Variants in PDHX observed in about 807,000 individuals in gnomAD.
The protein encoded by PDHX is pyruvate dehydrogenase protein X component, mitochondrial.
Under a neutral mutation model 55.3 loss-of-function variants are expected in PDHX, and 33 were observed. That is an observed-to-expected ratio of 0.60 (90% CI 0.45 to 0.80). The LOEUF is 0.80. Among genes scored for constraint, PDHX ranks in the 30% least tolerant of loss-of-function variants. PDHX has a pLI of 0.00. For missense variants in PDHX, 622 were observed against 619.9 expected, an observed-to-expected ratio of 1.00 and a Z score of -0.04; for synonymous variants, 226 against 219.4, an observed-to-expected ratio of 1.03 and a Z score of -0.27.
intron 2 of PDHX, among the ~76,000 whole-genome samples, chr11:34,940,760 T>G (rs1303087511): frequency 6.6e-6 from 1 of 152,210 alleles, no homozygotes; most frequent in Non-Finnish European, 1.5e-5. Flanking sequence ...CTGTTTTTTG[T>G]CTCTAAAGTT....
At chr11:34,922,423 A>G (rs1298201761) in intron 1 of PDHX, among the ~76,000 whole-genome samples, 2 of 152,186 alleles carry the variant, frequency 1.3e-5, no homozygotes, top group African/African-American at 4.8e-5. Flanking sequence ...AACTAATACT[A>G]TACTCTGGTA....
At chr11:34,979,914 C>A (rs1485049744) in intron 8 of PDHX, among the ~76,000 whole-genome samples, 1 of 151,356 alleles carries the variant, frequency 6.6e-6, no homozygotes, top group Non-Finnish European at 1.5e-5. Flanking sequence ...GTACACATTT[C>A]AATATTATAA....
intron 8 of PDHX, among the ~76,000 whole-genome samples, chr11:34,984,057 G>GTA (rs1274315110): frequency 2.0e-5 from 3 of 152,090 alleles, no homozygotes; most frequent in Non-Finnish European, 4.4e-5. Flanking sequence ...AAACAGCATG[G>GTA]TACTGGTACC....
intron 9 of PDHX, 140 bp from the exon 10 acceptor site, chr11:34,992,175 G>C: frequency 1.7e-6 from 1 of 600,488 alleles, no homozygotes; most frequent in South Asian, 2.0e-5. Flanking sequence ...TATAATTAGA[G>C]AAAATTATTT....
chr11:34,921,661 T>C (rs1380907485), intron 1 of PDHX, among the ~76,000 whole-genome samples: 2 of 152,190 alleles, frequency 1.3e-5, no homozygotes, highest in Non-Finnish European at 2.9e-5. Context: ...AAGCAAAGTG[T>C]ATCATCTAAG....
intron 3 of PDHX, among the ~76,000 whole-genome samples, chr11:34,957,024 A>T (rs985187429): frequency 2.6e-5 from 4 of 152,252 alleles, no homozygotes; most frequent in Admixed American, 2.6e-4. Context: ...TGGGAAAGAC[A>T]AATGGTTAAG....
chr11:34,936,364 T>A (rs1854310097), intron 2 of PDHX, among the ~76,000 whole-genome samples: 1 of 152,124 alleles, frequency 6.6e-6, no homozygotes. Context: ...CCATAATGAC[T>A]AACATCGTAA....
intron 7 of PDHX, chr11:34,977,868 T>C: frequency 1.9e-6 from 1 of 527,672 alleles, no homozygotes; most frequent in East Asian, 4.7e-5. Flanking sequence ...TTGTGTATGA[T>C]ATCTAAGCAA....
At chr11:34,917,973 T>G (rs1253702796) in intron 1 of PDHX, among the ~76,000 whole-genome samples, 1 of 152,190 alleles carries the variant, frequency 6.6e-6, no homozygotes, top group Non-Finnish European at 1.5e-5. Context: ...ATTTTGACAT[T>G]TAATGGAATG....
At chr11:34,933,266 C>T (rs1854221112) in intron 2 of PDHX, among the ~76,000 whole-genome samples, 1 of 152,060 alleles carries the variant, frequency 6.6e-6, no homozygotes, top group African/African-American at 2.4e-5. Flanking sequence ...CTCTCTTTTT[C>T]TCTCTCTCAA....
intron 3 of PDHX, among the ~76,000 whole-genome samples, chr11:34,947,876 A>C (rs1469745902): frequency 6.6e-6 from 1 of 152,226 alleles, no homozygotes; most frequent in Non-Finnish European, 1.5e-5. Flanking sequence ...AAATGCGTAG[A>C]GCTACATATG....
chr11:34,983,229 C>A (rs191122292), intron 8 of PDHX, among the ~76,000 whole-genome samples: 1 of 152,272 alleles, frequency 6.6e-6, no homozygotes, highest in Non-Finnish European at 1.5e-5. Flanking sequence ...AACAACACTT[C>A]ATGCTAAAAA....
At chr11:34,975,496 A>T (rs1333731204) in intron 7 of PDHX, among the ~76,000 whole-genome samples, 1 of 152,014 alleles carries the variant, frequency 6.6e-6, no homozygotes, top group African/African-American at 2.4e-5. Context: ...CTGATTTCTT[A>T]GCTGTGTCTG....
At chr11:34,979,925 A>T (rs533595033) in intron 8 of PDHX, among the ~76,000 whole-genome samples, 11 of 150,920 alleles carry the variant, frequency 7.3e-5, no homozygotes, top group South Asian at 2.1e-4. Flanking sequence ...AATATTATAA[A>T]TTTTTTTATA....
chr11:34,981,971 A>C (rs1252314898), intron 8 of PDHX, among the ~76,000 whole-genome samples: 3 of 152,108 alleles, frequency 2.0e-5, no homozygotes, highest in African/African-American at 7.2e-5. Flanking sequence ...CTCTGATGGT[A>C]GTTTCTTTTG....
chr11:34,924,281 G>A (rs778219832), intron 1 of PDHX, among the ~76,000 whole-genome samples: 22 of 151,942 alleles, frequency 1.4e-4, no homozygotes, highest in African/African-American at 3.9e-4. Context: ...TTACTCTGTC[G>A]CCCAGACTGG....
chr11:34,916,228 C>T (rs760074931), upstream of PDHX: 3 of 1,611,508 alleles, frequency 1.9e-6, no homozygotes, highest in Non-Finnish European at 2.5e-6. Context: ...CCGCCCCTAC[C>T]TGCGCGCCGC....
At chr11:34,974,509 A>G (rs896787049) in intron 7 of PDHX, among the ~76,000 whole-genome samples, 1 of 152,098 alleles carries the variant, frequency 6.6e-6, no homozygotes, top group Non-Finnish European at 1.5e-5. Flanking sequence ...TCTGTTTTCA[A>G]ATATTTTAGG....
intron 1 of PDHX, among the ~76,000 whole-genome samples, chr11:34,930,222 T>C (rs543658213): frequency 2.0e-5 from 3 of 152,326 alleles, no homozygotes; most frequent in South Asian, 4.1e-4. Context: ...GAGGCAGGTA[T>C]GCATGCTTGC....
Sources: allele counts gnomAD v4.1 joint callset (sites outside exome capture counted in the v4.1 genomes callset), GRCh38; gene constraint gnomAD v4.1.1; transcripts MANE v1.5; gene names NCBI Gene and HGNC (gene_info 2026-07-23, HGNC 2026-07-21).